Variants in NHLRC2 observed in about 807,000 individuals in gnomAD.
NHLRC2 encodes NHL repeat-containing protein 2.
In NHLRC2, 33 loss-of-function variants were observed where a neutral mutation model predicts 68.1. The ratio of observed to expected loss-of-function variants is 0.48; its 90% CI spans 0.37 to 0.65. The LOEUF (loss-of-function observed/expected upper bound fraction) is 0.65. Ranked by LOEUF, NHLRC2 falls within the 30% of genes least tolerant of loss-of-function variation. The pLI, the probability that NHLRC2 is intolerant of heterozygous loss-of-function variation, is 0.00. For missense variants in NHLRC2, 761 were observed against 853.8 expected, an observed-to-expected ratio of 0.89 and a Z score of 1.35; for synonymous variants, 311 against 309.6, an observed-to-expected ratio of 1.00 and a Z score of -0.05.
chr10:113,890,878 T>G (rs1237361766), intron 5 of NHLRC2, among the ~76,000 whole-genome samples: 1 of 152,078 alleles, frequency 6.6e-6, no homozygotes. Context: ...TCAGGAAACT[T>G]GAAATCACAG....
At chr10:113,882,395 C>T (rs1411923882) in intron 4 of NHLRC2, among the ~76,000 whole-genome samples, 1 of 151,714 alleles carries the variant, frequency 6.6e-6, no homozygotes, top group Non-Finnish European at 1.5e-5. Context: ...TCTAGCCATC[C>T]TACTGGATAT....
intron 5 of NHLRC2, among the ~76,000 whole-genome samples, chr10:113,891,956 C>A (rs1157505032): frequency 2.0e-5 from 3 of 152,166 alleles, no homozygotes; most frequent in Admixed American, 1.3e-4. Context: ...AATGAGAACT[C>A]TGCTTGGTGT....
At chr10:113,903,378 A>G (rs927824137) in intron 8 of NHLRC2, 149 bp from the exon 9 acceptor site, 15 of 615,666 alleles carry the variant, frequency 2.4e-5, no homozygotes, top group Non-Finnish European at 4.4e-5. Context: ...TGGCTTTTCA[A>G]GAAAATATGG....
intron 2 of NHLRC2, among the ~76,000 whole-genome samples, chr10:113,870,414 C>T (rs906614532): frequency 3.3e-5 from 5 of 152,012 alleles, no homozygotes; most frequent in African/African-American, 7.3e-5. Context: ...TTTATACACT[C>T]GCTTTTTTCA....
chr10:113,901,754 G>C lies in NHLRC2; in HGVS notation c.1228G>C (p.Ala410Pro), dbSNP rs1337264068. 8 of 1,614,036 alleles carry C rather than the reference G, an allele frequency of 5.0e-6. No homozygotes were observed. Among genetic ancestry groups the C allele is most frequent in the Non-Finnish European group, 6.8e-6 (8 of 1,179,988 alleles). The change falls in exon 7 of 11, where the codon GCC (alanine) becomes CCC (proline). Residue 410 changes from alanine (A) to proline (P), a missense_variant. Ala to Pro is a conservative substitution (Grantham distance 27). Coordinates refer to ENST00000369301, the MANE Select transcript of NHLRC2 (RefSeq NM_198514.4). ...TGCCTATCCTCACAAGGCAGGTTTT[G>C]CCCAACCTTCAGGCCTTTCCTTGGC... ...NNAYPHKAGF[A>P]QPSGLSLASE... is the part of the protein sequence containing the mutation.
At position 113,864,369 on chromosome 10, in the gene NHLRC2, C is replaced by T. The variant is rs895035924; in HGVS notation, c.331+5689C>T. 3.9e-5 allele frequency among the ~76,000 whole-genome samples: 6 copies of T among 152,052 alleles called. No individual in the cohort carries two copies. The South Asian group carries it at 6.2e-4, about 16-fold the overall frequency. The stretch of plus-strand genomic sequence containing the variant: ...TACCTTGAACTGTACACTTAACAAA[C>T]GGTTAAAATAGTAAATCTTATGGAA... On this transcript the variant is annotated intron_variant, in intron 2 of 10. Coordinates refer to ENST00000369301, the MANE Select transcript of NHLRC2 (RefSeq NM_198514.4).
chr10:113,916,614 G>A lies in NHLRC2; in HGVS notation c.*8078G>A, dbSNP rs1023215238. The A allele has an allele frequency of 4.6e-5, 7 of 152,106 alleles. No homozygotes were observed. The highest frequency in any genetic ancestry group is 1.7e-4 in the African/African-American group (7 of 41,398). The allele number at this position is 152,106 out of a possible 1,614,324, so 9.4% of individuals were successfully genotyped here. ...TGTTGTAATTGTCATATCTTTACATGTGGATTATGAACAAATGAAAGTTTG... is the reference window on the plus strand; with the variant it reads ...TGTTGTAATTGTCATATCTTTACATATGGATTATGAACAAATGAAAGTTTG... On this transcript the variant is annotated 3_prime_UTR_variant, in exon 11 of 11. Transcript: ENST00000369301.
At chr10:113,870,323 T>C (rs1845910262) in intron 2 of NHLRC2, among the ~76,000 whole-genome samples, 1 of 152,216 alleles carries the variant, frequency 6.6e-6, no homozygotes, top group Non-Finnish European at 1.5e-5. Context: ...CCCTTCTAAC[T>C]GTTCTTGCCT....
In NHLRC2 at chr10:113,909,626, G is replaced by A. The variant is rs866816717; in HGVS notation, c.*1090G>A. On this transcript the variant is annotated 3_prime_UTR_variant, in exon 11 of 11. Coordinates refer to ENST00000369301, the MANE Select transcript of NHLRC2 (RefSeq NM_198514.4). Reference sequence around the variant, plus strand: ...TCTTCAAAATATTAAGGCCGAAACAGTGATTTAATGATACTATTTTTTAAT... The same window carrying A: ...TCTTCAAAATATTAAGGCCGAAACAATGATTTAATGATACTATTTTTTAAT... 1 of 152,036 alleles carries A rather than the reference G, an allele frequency of 6.6e-6. No homozygotes were observed. The highest frequency in any genetic ancestry group is 1.5e-5 in the Non-Finnish European group (1 of 67,972). 9.4% of individuals were successfully genotyped at this position (152,036 alleles called of 1,614,324 possible).
intron 2 of NHLRC2, among the ~76,000 whole-genome samples, chr10:113,860,429 C>A (rs185586781): frequency 2.6e-5 from 4 of 152,182 alleles, no homozygotes; most frequent in Admixed American, 2.6e-4. Context: ...AAATATGCTT[C>A]TGAAAAGCAA....
intron 6 of NHLRC2, among the ~76,000 whole-genome samples, chr10:113,900,380 G>T (rs1394382001): frequency 6.6e-6 from 1 of 152,160 alleles, no homozygotes; most frequent in Non-Finnish European, 1.5e-5. Flanking sequence ...AGTAACAGAA[G>T]TTGCCAGAAT....
intron 2 of NHLRC2, among the ~76,000 whole-genome samples, chr10:113,867,988 G>GT (rs1845884831): frequency 6.6e-6 from 1 of 152,058 alleles, no homozygotes. Context: ...TATTTATCAT[G>GT]TTTTTTGTTG....
At chr10:113,879,354 T>C (rs1032678232) in intron 3 of NHLRC2, among the ~76,000 whole-genome samples, 1 of 152,206 alleles carries the variant, frequency 6.6e-6, no homozygotes, top group Non-Finnish European at 1.5e-5. Flanking sequence ...TTTTCTTCGC[T>C]ATATACTACT....
At chr10:113,871,330 C>A (rs968129319) in intron 2 of NHLRC2, among the ~76,000 whole-genome samples, 1 of 152,018 alleles carries the variant, frequency 6.6e-6, no homozygotes, top group African/African-American at 2.4e-5. Context: ...GGCCCTGAAT[C>A]TTTTATTATT....
In NHLRC2 at chr10:113,896,881, C is replaced by G. The variant is rs1301244514; in HGVS notation, c.1040-1229C>G. Among the ~76,000 whole-genome samples, 3 of 151,620 alleles carry G rather than the reference C, an allele frequency of 2.0e-5. No individual in the cohort carries two copies. The East Asian group carries it at 5.8e-4, about 29-fold the overall frequency. ...TGGTGGCGGGTGCCTGTAGTCCCAG[C>G]TACTCGGGAGGCTGAGGCAGGAGAA... On this transcript the variant is annotated intron_variant, in intron 5 of 10. Transcript: ENST00000369301.
intron 1 of NHLRC2, among the ~76,000 whole-genome samples, chr10:113,858,194 C>T (rs1471619715): frequency 6.6e-6 from 1 of 151,820 alleles, no homozygotes; most frequent in Non-Finnish European, 1.5e-5. Flanking sequence ...CCTCCTGCTC[C>T]CCCACCCGTA....
intron 4 of NHLRC2, among the ~76,000 whole-genome samples, chr10:113,881,244 C>T (rs1846033906): frequency 6.6e-6 from 1 of 151,684 alleles, no homozygotes; most frequent in South Asian, 2.1e-4. Flanking sequence ...AATTGTATGT[C>T]ATTTCTCTTG....
At position 113,902,452 on chromosome 10, in the gene NHLRC2, C is replaced by A; in HGVS notation, c.1372-19C>A. 1.3e-6 allele frequency: 2 copies of A among 1,509,568 alleles called. No homozygotes were observed. The highest frequency in any genetic ancestry group is 1.3e-5 in the South Asian group (1 of 79,564). 93.5% of individuals were successfully genotyped at this position (1,509,568 alleles called of 1,614,324 possible). A position where few individuals can be genotyped will look rare whatever the true frequency, so the allele number is the denominator to read the frequency against. ...AATTATAATAACTGCTGTTTCTTTT[C>A]TTTTAAAAAAAATTAAAGAATTTAT... On this transcript the variant is annotated intron_variant, in intron 7 of 10. Coordinates refer to ENST00000369301, the MANE Select transcript of NHLRC2 (RefSeq NM_198514.4).
rs1846249727 is a variant in NHLRC2, at chr10:113,903,864, T to C, written c.1704+128T>C. ...GAGTATTAAGTGGATGCTTCTGTTG[T>C]ATTCTTTGACAAAGAGACCAGCAGG... is the stretch of plus-strand genomic sequence containing the variant. On this transcript the variant is annotated intron_variant, in intron 9 of 10. Transcript: ENST00000369301. 4 of 633,344 alleles carry C rather than the reference T, an allele frequency of 6.3e-6. No individual in the cohort carries two copies. The East Asian group carries it at 1.1e-4, about 18-fold the overall frequency. The allele number at this position is 633,344 out of a possible 1,614,324, so 39.2% of individuals were successfully genotyped here.
Sources: gnomAD v4.1 joint callset for allele counts (sites outside exome capture counted in the v4.1 genomes callset) on GRCh38, gnomAD v4.1.1 for gene constraint, MANE v1.5 for transcripts, NCBI Gene and HGNC (gene_info 2026-07-23, HGNC 2026-07-21) for gene names.